Variants in IKBKB observed in about 807,000 individuals in gnomAD.
IKBKB encodes inhibitor of nuclear factor kappa B kinase subunit beta.
A neutral mutation model predicts 113.6 loss-of-function variants in IKBKB; 42 were observed. That is an observed-to-expected ratio of 0.37 (90% CI 0.29 to 0.48). IKBKB has a LOEUF of 0.48. Among genes scored for constraint, IKBKB ranks in the 20% least tolerant of loss-of-function variants. IKBKB has a pLI of 0.99. For synonymous variants in IKBKB, 296 were observed against 361.3 expected (o/e 0.82, Z 2.05); for missense variants, 673 against 939.7 (o/e 0.72, Z 3.71).
chr8:42,303,739 T>C (rs777895609), intron 5 of IKBKB, among the ~76,000 whole-genome samples: 3 of 152,198 alleles, frequency 2.0e-5, no homozygotes, highest in Non-Finnish European at 4.4e-5. Flanking sequence ...ACTCCTGACC[T>C]CAGGTGATTC....
intron 5 of IKBKB, among the ~76,000 whole-genome samples, chr8:42,304,207 G>C (rs372554056): frequency 6.6e-6 from 1 of 152,098 alleles, no homozygotes; most frequent in South Asian, 2.1e-4. Context: ...AGCTCTCTAG[G>C]CTACATCTCC....
chr8:42,328,386 A>G (rs1247434623), intron 20 of IKBKB, among the ~76,000 whole-genome samples: 3 of 151,888 alleles, frequency 2.0e-5, no homozygotes, highest in East Asian at 3.9e-4. Flanking sequence ...TAGAGGCCCC[A>G]TAGATGAGGC....
intron 3 of IKBKB, among the ~76,000 whole-genome samples, 167 bp from the exon 4 acceptor site, chr8:42,289,989 C>T (rs747000137): frequency 3.2e-4 from 49 of 152,118 alleles, no homozygotes; most frequent in Middle Eastern, 3.2e-3. Flanking sequence ...GCTGGGTGAG[C>T]GCCACTGACC....
intron 2 of IKBKB, among the ~76,000 whole-genome samples, chr8:42,282,499 G>A (rs1810579444): frequency 6.6e-6 from 1 of 152,204 alleles, no homozygotes; most frequent in African/African-American, 2.4e-5. Flanking sequence ...GAGCCACCAT[G>A]CCCAGCCACA....
Position 42,306,451 on chromosome 8 carries a change from C to G in IKBKB, c.567+19C>G, listed in dbSNP as rs1816539090. On this transcript the variant is annotated intron_variant, in intron 7 of 21. Coordinates refer to ENST00000520810, the MANE Select transcript of IKBKB (RefSeq NM_001556.3). ...GTACCTGGTAAGAAGTGGGCCTTGC[C>G]TGTTTGCCTGTCAGCTCCTCCCTGC... 6.5e-7 allele frequency: 1 copy of G among 1,531,900 alleles called. No homozygotes were observed. The highest frequency in any genetic ancestry group is 9.0e-7 in the Non-Finnish European group (1 of 1,105,082). 94.9% of individuals were successfully genotyped at this position (1,531,900 alleles called of 1,614,324 possible).
At chr8:42,281,263 G>A (rs80313154) in intron 2 of IKBKB, among the ~76,000 whole-genome samples, 2 of 152,158 alleles carry the variant, frequency 1.3e-5, no homozygotes, top group Non-Finnish European at 2.9e-5. Context: ...CAGGTGGGCA[G>A]AGCAGCATCT....
chr8:42,273,999 A>C (rs1414958930), intron 2 of IKBKB, among the ~76,000 whole-genome samples: 1 of 152,078 alleles, frequency 6.6e-6, no homozygotes, highest in Non-Finnish European at 1.5e-5. Flanking sequence ...GAAACAGTCA[A>C]AATTCTTTCT....
chr8:42,295,971 CT>C (rs550634145), intron 5 of IKBKB, among the ~76,000 whole-genome samples: 3 of 152,158 alleles, frequency 2.0e-5, no homozygotes, highest in Non-Finnish European at 4.4e-5. Context: ...ACAGGTGCTT[CT>C]TCTTAAGTGC....
At chr8:42,273,514 C>T (rs1808271791) in intron 2 of IKBKB, among the ~76,000 whole-genome samples, 1 of 151,930 alleles carries the variant, frequency 6.6e-6, no homozygotes, top group Non-Finnish European at 1.5e-5. Context: ...AGCAGATCCA[C>T]ATGAAAGTGA....
At chr8:42,309,905 A>C (rs1474471014) in intron 8 of IKBKB, 4 of 152,558 alleles carry the variant, frequency 2.6e-5, no homozygotes, top group African/African-American at 9.6e-5. Context: ...TTTACTGATT[A>C]AAGAAATAAT....
At chr8:42,291,306 C>T (rs537170861) in intron 4 of IKBKB, among the ~76,000 whole-genome samples, 140 of 152,256 alleles carry the variant, frequency 9.2e-4, no homozygotes, top group Admixed American at 1.6e-3. Flanking sequence ...CTCACCCTCC[C>T]GAGTAGCTGG....
At chr8:42,323,561 G>A (rs528173750) in intron 19 of IKBKB, among the ~76,000 whole-genome samples, 3 of 152,336 alleles carry the variant, frequency 2.0e-5, no homozygotes, top group South Asian at 2.1e-4. Context: ...TTTCCCTTAA[G>A]AGCAAAGGGA....
chr8:42,302,995 C>G (rs1271943518), intron 5 of IKBKB, among the ~76,000 whole-genome samples: 1 of 151,248 alleles, frequency 6.6e-6, no homozygotes, highest in Non-Finnish European at 1.5e-5. Flanking sequence ...AGGGCCGTAC[C>G]CATGACAGCA....
rs779154075 is a variant in IKBKB, at chr8:42,320,730, A to G, written c.1579-5A>G. The G allele has an allele frequency of 3.7e-6, 6 of 1,611,122 alleles. No homozygotes were observed. The East Asian group carries it at 1.1e-4, about 30-fold the overall frequency. On this transcript the variant is annotated splice_polypyrimidine_tract_variant and splice_region_variant and intron_variant, in intron 15 of 21. Coordinates refer to ENST00000520810, the MANE Select transcript of IKBKB (RefSeq NM_001556.3). The stretch of plus-strand genomic sequence containing the variant: ...CAGTTGACATTAGCACAGCTTTTCC[A>G]TTAGGAGAACGAAGTGAAACTCCTG...
At chr8:42,271,891 G>A (rs1178300690) in intron 1 of IKBKB, 192 bp from the exon 2 acceptor site, 3 of 613,858 alleles carry the variant, frequency 4.9e-6, no homozygotes, top group African/African-American at 1.9e-5. Context: ...GATGGGGGAG[G>A]GTGAGAGGGA....
chr8:42,300,622 A>G (rs941161547), intron 5 of IKBKB, among the ~76,000 whole-genome samples: 1 of 152,142 alleles, frequency 6.6e-6, no homozygotes, highest in Admixed American at 6.5e-5. Flanking sequence ...TGATTCATCA[A>G]TAAGACCCAC....
intron 9 of IKBKB, among the ~76,000 whole-genome samples, chr8:42,315,987 A>C (rs552205552): frequency 6.6e-6 from 1 of 152,328 alleles, no homozygotes; most frequent in Admixed American, 6.5e-5. Context: ...TTATGCAGCC[A>C]TTTGGAGGTC....
intron 4 of IKBKB, among the ~76,000 whole-genome samples, chr8:42,291,073 A>G (rs924185303): frequency 2.0e-5 from 3 of 152,252 alleles, no homozygotes; most frequent in Non-Finnish European, 4.4e-5. Flanking sequence ...ACACAGCTGT[A>G]GCAGCAGAGC....
In IKBKB at chr8:42,322,404, G is replaced by A. The variant is rs771410923; in HGVS notation, c.1896G>A (p.Val632=). ...AACTGTTGCCCAAGGTGGAAGAGGT[G>A]GTGAGCTTAATGAATGAGGATGAGA... ...ALELLPKVEE[V]VSLMNEDEKT... Residue 632 remains valine (V), a synonymous_variant, in exon 19 of 22, where the codon GTG becomes GTA. Transcript: ENST00000520810. The A allele has an allele frequency of 7.4e-6, 12 of 1,613,948 alleles. No individual in the cohort carries two copies. In the South Asian group the frequency reaches 1.1e-4, roughly 15 times the overall value.
Sources: allele counts gnomAD v4.1 joint callset (sites outside exome capture counted in the v4.1 genomes callset), GRCh38; gene constraint gnomAD v4.1.1; transcripts MANE v1.5; gene names NCBI Gene and HGNC (gene_info 2026-07-23, HGNC 2026-07-21).